CHL1: variants seen among roughly 807,000 people sequenced by gnomAD.
CHL1 encodes cell adhesion molecule L1 like, also known as neural cell adhesion molecule L1-like protein.
CHL1 carries 96 observed loss-of-function variants against 141.9 expected under a neutral mutation model. The ratio of observed to expected loss-of-function variants is 0.68; its 90% CI spans 0.57 to 0.80. The LOEUF (loss-of-function observed/expected upper bound fraction) is 0.80. CHL1 is among the 30% of genes least tolerant of loss of function. CHL1 has a pLI of 0.00. For synonymous variants in CHL1, 613 were observed against 502.2 expected, an observed-to-expected ratio of 1.22 and a Z score of -2.95; for missense variants, 1,820 against 1,457.2, an observed-to-expected ratio of 1.25 and a Z score of -4.05.
At chr3:405,469 G>A in intron 27 of CHL1, 26 bp from the exon 28 acceptor site, 2 of 1,448,398 alleles carry the variant, frequency 1.4e-6, no homozygotes, top group Non-Finnish European at 1.9e-6. Flanking sequence ...ATTTTGTTGA[G>A]CTATTTTTGT....
chr3:366,687 A>G (rs1432600295), intron 15 of CHL1, among the ~76,000 whole-genome samples: 2 of 141,690 alleles, frequency 1.4e-5, no homozygotes, highest in African/African-American at 5.3e-5. Flanking sequence ...ATGGTTGCAA[A>G]AAAAAAAAAA....
At chr3:225,119 G>A (rs141181963) in intron 1 of CHL1, among the ~76,000 whole-genome samples, 5 of 152,188 alleles carry the variant, frequency 3.3e-5, no homozygotes, top group African/African-American at 9.7e-5. Flanking sequence ...GAGTGACAGA[G>A]TGAGACTCTA....
intron 9 of CHL1, among the ~76,000 whole-genome samples, chr3:348,690 T>C (rs146901923): frequency 6.6e-6 from 1 of 152,346 alleles, no homozygotes; most frequent in East Asian, 1.9e-4. Context: ...CTGGGTGAGC[T>C]AATCTTTTGA....
intron 1 of CHL1, chr3:197,872 C>CTTTTTT (rs58240971): frequency 1.5e-4 from 54 of 358,690 alleles, no homozygotes; most frequent in Middle Eastern, 8.9e-4. Flanking sequence ...CTTTCTCTCG[C>CTTTTTT]TTTTTTTTTT....
intron 4 of CHL1, 47 bp from the exon 5 acceptor site, chr3:328,120 A>G (rs1380304900): frequency 2.1e-6 from 3 of 1,462,100 alleles, no homozygotes; most frequent in Admixed American, 1.9e-5. Flanking sequence ...TACTCTAAAC[A>G]TATGTCATTA....
chr3:390,457 A>G (rs1708128298), intron 20 of CHL1, among the ~76,000 whole-genome samples: 1 of 152,144 alleles, frequency 6.6e-6, no homozygotes, highest in Non-Finnish European at 1.5e-5. Context: ...TTCTGGTTTT[A>G]TTTATCCACA....
rs115264553 is a variant in CHL1, at chr3:369,926, C to G, written c.1751+3811C>G. Among the ~76,000 whole-genome samples, 408 of 152,212 alleles carry G rather than the reference C, an allele frequency of 2.7e-3. 2 individuals are homozygous for G. Among genetic ancestry groups the G allele is most frequent in the African/African-American group, 9.1e-3 (376 of 41,524 alleles). On this transcript the variant is annotated intron_variant, in intron 15 of 27. Transcript: ENST00000256509. ...TATTGATCTGAATATGTTGAATCAG[C>G]CTTGAATCCCAGAGATGAAGCTGAC...
chr3:214,627 T>G (rs972750813), intron 1 of CHL1, among the ~76,000 whole-genome samples: 6 of 152,174 alleles, frequency 3.9e-5, no homozygotes, highest in African/African-American at 1.4e-4. Flanking sequence ...TAGAAAGATA[T>G]AGACATGAAT....
chr3:314,647 G>T (rs1700029232), intron 2 of CHL1, among the ~76,000 whole-genome samples: 1 of 151,846 alleles, frequency 6.6e-6, no homozygotes, highest in East Asian at 1.9e-4. Flanking sequence ...TGGCTGGCTG[G>T]CTGTTGGCCA....
intron 2 of CHL1, among the ~76,000 whole-genome samples, chr3:253,641 C>T (rs1055133533): frequency 2.0e-5 from 3 of 152,162 alleles, no homozygotes; most frequent in Admixed American, 1.3e-4. Context: ...ACATGTATTA[C>T]TCACAACAGT....
At chr3:312,928 A>G (rs57100621) in intron 2 of CHL1, among the ~76,000 whole-genome samples, 3,352 of 152,290 alleles carry the variant, frequency 0.022, 121 homozygotes, top group African/African-American at 0.076. Flanking sequence ...AAAGTTGTTG[A>G]TCTATTTCAA....
chr3:213,045 G>A lies in CHL1; in HGVS notation c.-175+15982G>A, dbSNP rs568398859. On this transcript the variant is annotated intron_variant, in intron 1 of 27. Coordinates refer to ENST00000256509, the MANE Select transcript of CHL1 (RefSeq NM_006614.4). Reference sequence around the variant, plus strand: ...AAGTAAGAGCAAACGTTACTATGATGAAAGCAACTTGAAGTCATTGCATTT... The same window carrying A: ...AAGTAAGAGCAAACGTTACTATGATAAAAGCAACTTGAAGTCATTGCATTT... Among the ~76,000 whole-genome samples the A allele has an allele frequency of 8.5e-5, 13 of 152,296 alleles. No individual in the cohort carries two copies. In the South Asian group the frequency reaches 2.3e-3, roughly 27 times the overall value.
intron 1 of CHL1, among the ~76,000 whole-genome samples, chr3:243,355 A>G (rs1172914327): frequency 6.6e-6 from 1 of 152,148 alleles, no homozygotes; most frequent in Non-Finnish European, 1.5e-5. Context: ...TATTAAAACA[A>G]TGTGTACCAT....
intron 2 of CHL1, among the ~76,000 whole-genome samples, chr3:264,449 A>G (rs1327096607): frequency 6.6e-6 from 1 of 152,200 alleles, no homozygotes; most frequent in Non-Finnish European, 1.5e-5. Context: ...AGGAACAACA[A>G]TGAGAATACT....
intron 2 of CHL1, among the ~76,000 whole-genome samples, chr3:288,404 T>G (rs1697366719): frequency 6.6e-6 from 1 of 151,952 alleles, no homozygotes; most frequent in Admixed American, 6.5e-5. Context: ...CAGAAGGTAA[T>G]TAGCAACTGG....
chr3:274,513 C>G (rs183475986), intron 2 of CHL1, among the ~76,000 whole-genome samples: 9 of 152,198 alleles, frequency 5.9e-5, no homozygotes, highest in African/African-American at 1.4e-4. Context: ...AACTGCTTTT[C>G]AAGGTTATTA....
At chr3:217,648 A>T (rs1700442845) in intron 1 of CHL1, 2 of 152,590 alleles carry the variant, frequency 1.3e-5, no homozygotes, top group African/African-American at 4.8e-5. Flanking sequence ...TGGAATGGAC[A>T]GAAGGCTAGA....
At chr3:354,349 C>T (rs78185681) in intron 10 of CHL1, among the ~76,000 whole-genome samples, 2,066 of 151,862 alleles carry the variant, frequency 0.014, 53 homozygotes, top group African/African-American at 0.048. Context: ...GGGGTAGCTA[C>T]TTGTATAGCT....
intron 27 of CHL1, among the ~76,000 whole-genome samples, 166 bp from the exon 28 acceptor site, chr3:405,329 C>T (rs1709456174): frequency 6.6e-6 from 1 of 152,276 alleles, no homozygotes; most frequent in Admixed American, 6.5e-5. Context: ...ACTTCGTAAA[C>T]TTGGTAAACA....
Sources: gnomAD v4.1 joint callset for allele counts (sites outside exome capture counted in the v4.1 genomes callset) on GRCh38, gnomAD v4.1.1 for gene constraint, MANE v1.5 for transcripts, NCBI Gene and HGNC (gene_info 2026-07-23, HGNC 2026-07-21) for gene names.